The following TEKT5 variants were observed in gnomAD, a reference collection of about 807,000 sequenced individuals.
The protein encoded by TEKT5 is tektin-5.
TEKT5 carries 52 observed loss-of-function variants against 48.7 expected under a neutral mutation model. That is an observed-to-expected ratio of 1.07 (90% CI 0.86 to 1.35). TEKT5 has a LOEUF of 1.35. Among genes scored for constraint, TEKT5 ranks in the 40% most tolerant of loss-of-function variants. The pLI, the probability that TEKT5 is intolerant of heterozygous loss-of-function variation, is 0.00. For missense variants in TEKT5, 831 were observed against 641.6 expected (o/e 1.30, Z -3.19); for synonymous variants, 318 against 267.6 (o/e 1.19, Z -1.84).
At chr16:10,660,112 C>T (rs1243850532) in intron 5 of TEKT5, among the ~76,000 whole-genome samples, 1 of 152,192 alleles carries the variant, frequency 6.6e-6, no homozygotes, top group East Asian at 1.9e-4. Context: ...GTGATGAGGT[C>T]ACAGCTGGAG....
At chr16:10,675,031 G>C (rs1421727590) in intron 5 of TEKT5, among the ~76,000 whole-genome samples, 1 of 152,014 alleles carries the variant, frequency 6.6e-6, no homozygotes, top group Non-Finnish European at 1.5e-5. Context: ...TCACCATGTT[G>C]GCCAGGCTGG....
chr16:10,629,686 G>A (rs914156351), intron 6 of TEKT5, among the ~76,000 whole-genome samples: 3 of 152,196 alleles, frequency 2.0e-5, no homozygotes, highest in Non-Finnish European at 4.4e-5. Flanking sequence ...TCACAGGTCC[G>A]CAGTTCTCCA....
chr16:10,682,224 T>C, intron 3 of TEKT5, 88 bp from the exon 4 acceptor site: 1 of 1,494,234 alleles, frequency 6.7e-7, no homozygotes, highest in Non-Finnish European at 9.0e-7. Flanking sequence ...TTGCAAGCCC[T>C]GGACTCCCAG....
intron 5 of TEKT5, among the ~76,000 whole-genome samples, chr16:10,663,887 C>A (rs572385508): frequency 6.6e-6 from 1 of 152,350 alleles, no homozygotes; most frequent in Non-Finnish European, 1.5e-5. Context: ...CTGCTCGCAG[C>A]CGTTTCTCTC....
At chr16:10,674,617 G>GAAAAAAAAAAAAAAA (rs57583870) in intron 5 of TEKT5, among the ~76,000 whole-genome samples, 9 of 74,744 alleles carry the variant, frequency 1.2e-4, no homozygotes, top group African/African-American at 1.8e-4. Context: ...GATCATCTCA[G>GAAAAAAAAAAAAAAA]AAAAAAAAAA....
At chr16:10,670,583 C>G (rs1411032142) in intron 5 of TEKT5, among the ~76,000 whole-genome samples, 1 of 152,128 alleles carries the variant, frequency 6.6e-6, no homozygotes, top group African/African-American at 2.4e-5. Flanking sequence ...GAAATGGTTG[C>G]TATACATTTA....
rs373805954 is a variant in TEKT5 at position 10,681,975 on chromosome 16, G to A, written c.863+18C>T. 3.1e-6 allele frequency: 5 copies of A among 1,612,402 alleles called. No individual in the cohort carries two copies. The African/African-American group carries it at 4.0e-5, about 13-fold the overall frequency. ...AGTTGGACACGCCAGGGATGGGGAG[G>A]GGGAGTCTGATACTTACGTGCCGTC... On this transcript the variant is annotated intron_variant, in intron 4 of 6. Coordinates refer to ENST00000283025, the MANE Select transcript of TEKT5 (RefSeq NM_144674.2).
intron 4 of TEKT5, among the ~76,000 whole-genome samples, chr16:10,680,998 T>G (rs547617806): frequency 3.4e-5 from 5 of 148,098 alleles, no homozygotes; most frequent in South Asian, 2.2e-4. Flanking sequence ...ATCCTAAAAC[T>G]TAAAGTATAA....
At chr16:10,652,405 A>C (rs1480974760) in intron 5 of TEKT5, among the ~76,000 whole-genome samples, 2 of 151,108 alleles carry the variant, frequency 1.3e-5, no homozygotes, top group Non-Finnish European at 2.9e-5. Flanking sequence ...AAACACACAC[A>C]CACACCCTCC....
chr16:10,629,384 G>A lies in TEKT5; in HGVS notation c.1242-1585C>T, dbSNP rs576395743. Among the ~76,000 whole-genome samples the A allele has an allele frequency of 1.9e-3, 286 of 152,064 alleles. 1 individual carries two copies. Among genetic ancestry groups the A allele is most frequent in the African/African-American group, 6.6e-3 (275 of 41,476 alleles). On this transcript the variant is annotated intron_variant, in intron 6 of 6. Coordinates refer to ENST00000283025, the MANE Select transcript of TEKT5 (RefSeq NM_144674.2). ...TCTTGCCTCAGCGTCCCAAGTAGCT[G>A]GGATTACAGGCACGTGCCGCCACAC... is the stretch of plus-strand genomic sequence containing the variant.
chr16:10,650,364 G>A (rs1245935612), intron 5 of TEKT5, among the ~76,000 whole-genome samples: 1 of 151,670 alleles, frequency 6.6e-6, no homozygotes, highest in African/African-American at 2.4e-5. Flanking sequence ...GCCTCCCAAA[G>A]TGCTGGGATT....
At chr16:10,692,640 T>C (rs1052307569) in intron 1 of TEKT5, 1 of 152,204 alleles carries the variant, frequency 6.6e-6, no homozygotes, top group Non-Finnish European at 1.5e-5. Flanking sequence ...TGCTGGCTAA[T>C]AGGCTAAACA....
intron 2 of TEKT5, 58 bp from the exon 3 acceptor site, chr16:10,689,381 C>T: frequency 6.9e-7 from 1 of 1,451,310 alleles, no homozygotes; most frequent in Non-Finnish European, 9.6e-7. Flanking sequence ...GTCTTCTCTC[C>T]CAGGCCAGAG....
chr16:10,673,606 T>C (rs1399036269), intron 5 of TEKT5, among the ~76,000 whole-genome samples: 2 of 150,826 alleles, frequency 1.3e-5, no homozygotes, highest in Non-Finnish European at 2.9e-5. Context: ...CCCCACTCCC[T>C]GGGCCTCTTC....
intron 5 of TEKT5, among the ~76,000 whole-genome samples, chr16:10,636,235 C>T (rs1192464877): frequency 2.0e-5 from 3 of 152,014 alleles, no homozygotes; most frequent in East Asian, 1.9e-4. Context: ...ATTAGCCGGG[C>T]GTGGTGGCAG....
chr16:10,685,590 C>G (rs530668474), intron 3 of TEKT5, among the ~76,000 whole-genome samples: 2 of 152,282 alleles, frequency 1.3e-5, no homozygotes, highest in South Asian at 4.2e-4. Context: ...AGCCTCCACG[C>G]CCAGCCTCTT....
intron 3 of TEKT5, among the ~76,000 whole-genome samples, chr16:10,683,635 G>C (rs1295352041): frequency 6.6e-6 from 1 of 151,876 alleles, no homozygotes; most frequent in Non-Finnish European, 1.5e-5. Flanking sequence ...TTGTCGCTTA[G>C]GCTGGAGTGC....
intron 5 of TEKT5, among the ~76,000 whole-genome samples, chr16:10,639,568 G>A (rs74007186): frequency 0.023 from 3,431 of 152,298 alleles, 132 homozygotes; most frequent in African/African-American, 0.079. Context: ...AATACTGCAT[G>A]TGCAGCTTTC....
At chr16:10,664,377 G>A (rs1052424844) in intron 5 of TEKT5, among the ~76,000 whole-genome samples, 6 of 152,202 alleles carry the variant, frequency 3.9e-5, no homozygotes, top group Non-Finnish European at 7.3e-5. Context: ...GACCCCACTG[G>A]CAGACTTTCT....
Sources: allele counts gnomAD v4.1 joint callset (sites outside exome capture counted in the v4.1 genomes callset), GRCh38; gene constraint gnomAD v4.1.1; transcripts MANE v1.5; gene names NCBI Gene and HGNC (gene_info 2026-07-23, HGNC 2026-07-21).